STYXL2: variants seen among roughly 807,000 people sequenced by gnomAD.
STYXL2 encodes the protein serine/threonine/tyrosine-interacting-like protein 2.
A neutral mutation model predicts 52.4 loss-of-function variants in STYXL2; 44 were observed. That is an observed-to-expected ratio of 0.84 (90% CI 0.66 to 1.08). The LOEUF (loss-of-function observed/expected upper bound fraction) is 1.08, where lower values mean the gene tolerates loss of function less well. Ranked by LOEUF, STYXL2 falls within the 50% of genes least tolerant of loss-of-function variation. STYXL2 has a pLI of 0.00. For synonymous variants in STYXL2, 604 were observed against 586.9 expected (o/e 1.03, Z -0.42); for missense variants, 1,604 against 1,471.7 (o/e 1.09, Z -1.47).
Position 167,127,747 on chromosome 1 carries a change from G to A in STYXL2, c.2616G>A (p.Lys872=), listed in dbSNP as rs781615628. ...DNKRSSLFKK[K]KVKEDEDDGV... is the part of the protein sequence containing the mutation. ...AACGCAGCTCCCTCTTCAAGAAGAA[G>A]AAGGTCAAGGAAGATGAGGATGATG... The change falls in exon 6 of 6, where the codon AAG becomes AAA. Residue 872 remains lysine, a synonymous_variant. Transcript: ENST00000361200. The A allele has an allele frequency of 9.9e-6, 16 of 1,613,912 alleles. No homozygotes were observed. Among genetic ancestry groups the A allele is most frequent in the Non-Finnish European group, 1.4e-5 (16 of 1,180,018 alleles).
At chr1:167,099,184 G>A (rs970979356) in intron 2 of STYXL2, among the ~76,000 whole-genome samples, 3 of 152,012 alleles carry the variant, frequency 2.0e-5, no homozygotes, top group Admixed American at 6.6e-5. Flanking sequence ...GCAAAAAACT[G>A]ACAGAACTGA....
chr1:167,094,283 A>C (rs10918625), intron 1 of STYXL2, 89 bp downstream of exon 1: 1 of 156,026 alleles, frequency 6.4e-6, no homozygotes, highest in African/African-American at 2.4e-5. Flanking sequence ...TCAGGGCACA[A>C]CCATGATGGC....
At chr1:167,103,542 A>C (rs1217085833) in intron 2 of STYXL2, among the ~76,000 whole-genome samples, 1 of 152,162 alleles carries the variant, frequency 6.6e-6, no homozygotes, top group Non-Finnish European at 1.5e-5. Context: ...GAATCTGAGA[A>C]AGGGGTGTAG....
At position 167,127,218 on chromosome 1, in the gene STYXL2, C is replaced by CG. The variant is rs1667994355; in HGVS notation, c.2091dup (p.Cys698ValfsTer12). On this transcript the variant is annotated frameshift_variant, in exon 6 of 6. Transcript: ENST00000361200. LOFTEE classifies it low-confidence loss of function (END_TRUNC). ...CTGTCTCAGGCTGCAAGCAACATAG[C>CG]GGGGTGTTCAACCTCCAACCCCACC... is the stretch of plus-strand genomic sequence containing the variant. 3 of 1,613,984 alleles carry CG rather than the reference C, an allele frequency of 1.9e-6. No individual in the cohort carries two copies. Among genetic ancestry groups the CG allele is most frequent in the Admixed American group, 3.3e-5 (2 of 60,004 alleles).
rs998509193 is a variant in STYXL2, at chr1:167,094,124, C to G, written c.-87C>G. ...GGTGGCTGGTTCCTGTCTCACTGGC[C>G]GGAGCTTCAGCTTCAGTCATTTCAT... On this transcript the variant is annotated 5_prime_UTR_variant, in exon 1 of 6. Coordinates refer to ENST00000361200, the MANE Select transcript of STYXL2 (RefSeq NM_001080426.3). The G allele has an allele frequency of 6.5e-6, 1 of 152,696 alleles. No individual in the cohort carries two copies. The highest frequency in any genetic ancestry group is 2.4e-5 in the African/African-American group (1 of 41,454). The allele number at this position is 152,696 out of a possible 1,614,324, so 9.5% of individuals were successfully genotyped here.
At position 167,126,224 on chromosome 1, in the gene STYXL2, G is replaced by A. The variant is rs375985480; in HGVS notation, c.1093G>A (p.Val365Ile). 9.7e-6 allele frequency: 15 copies of A among 1,544,358 alleles called. No homozygotes were observed. In the African/African-American group the frequency reaches 1.7e-4, roughly 17 times the overall value. Residue 365 changes from valine to isoleucine, a missense_variant, in exon 6 of 6, where the codon GTC becomes ATC. Transcript: ENST00000361200. ...GGGGCAGGGCCTCCTCTCAGACAAG[G>A]TCCCCCAGGATGGAGGTGGCTGGCG... ...KKGQGLLSDK[V>I]PQDGGGWRSA...
At chr1:167,111,915 G>A (rs1667630963) in intron 2 of STYXL2, among the ~76,000 whole-genome samples, 1 of 152,036 alleles carries the variant, frequency 6.6e-6, no homozygotes, top group Non-Finnish European at 1.5e-5. Context: ...TTGATTAGCA[G>A]AACAATTATT....
Position 167,117,537 on chromosome 1 carries a change from C to A in STYXL2, c.415C>A (p.Pro139Thr). 6.2e-7 allele frequency: 1 copy of A among 1,604,406 alleles called. No individual in the cohort carries two copies. Among genetic ancestry groups the A allele is most frequent in the East Asian group, 2.2e-5 (1 of 44,566 alleles). Residue 139 changes from proline (P) to threonine (T), a missense_variant, in exon 4 of 6, where the codon CCC becomes ACC. Transcript: ENST00000361200. ...APWNEVDEVW[P>T]NVFIAEKSVA... ...CTGGAATGAGGTGGATGAGGTCTGG[C>A]CCAATGTCTTCATAGCTGAGAAGTG...
At chr1:167,111,469 CATATATATATATATATAT>C (rs776014246) in intron 2 of STYXL2, among the ~76,000 whole-genome samples, 1,996 of 79,922 alleles carry the variant, frequency 0.025, 56 homozygotes, top group Non-Finnish European at 0.037. Context: ...AAATATGGTA[CATATATATATATATATAT>C]ATATATATAT....
rs1484043597 is a variant in STYXL2, at chr1:167,128,100, C to T, written c.2969C>T (p.Thr990Ile). Residue 990 changes from threonine to isoleucine, a missense_variant, in exon 6 of 6, where the codon ACC becomes ATC. Physicochemically the swap from Thr to Ile is moderately conservative, Grantham distance 89. Transcript: ENST00000361200. ...AAATCCCAGTCAGAGGAACAGGACA[C>T]CTCCTCCTACCACGAGGCAAATGGC... ...FSKSQSEEQD[T>I]SSYHEANGNS... 1.2e-6 allele frequency: 2 copies of T among 1,614,218 alleles called. No individual in the cohort carries two copies. The highest frequency in any genetic ancestry group is 1.6e-4 in the Middle Eastern group (1 of 6,062).
intron 2 of STYXL2, among the ~76,000 whole-genome samples, chr1:167,095,521 T>C (rs568751723): frequency 1.8e-4 from 28 of 152,286 alleles, no homozygotes; most frequent in Admixed American, 1.7e-3. Context: ...AGTCCTCTTT[T>C]TACCACAAGT....
In STYXL2 at chr1:167,126,160, CGAG is replaced by C. The variant is rs372437301; in HGVS notation, c.1042_1044del (p.Glu348del). The stretch of plus-strand genomic sequence containing the variant: ...CCTCCAAGCCCCTCACCCTCATAGA[CGAG>C]GAGGAGGAGGAGAAACTGTACGAGC... On this transcript the variant is annotated inframe_deletion, in exon 6 of 6. Coordinates refer to ENST00000361200, the MANE Select transcript of STYXL2 (RefSeq NM_001080426.3). 360 of 1,506,040 alleles carry C rather than the reference CGAG, an allele frequency of 2.4e-4. No homozygotes were observed. The East Asian group carries it at 2.7e-3, about 11-fold the overall frequency. 93.3% of individuals were successfully genotyped at this position (1,506,040 alleles called of 1,614,324 possible).
In STYXL2 at chr1:167,126,940, G is replaced by A; in HGVS notation, c.1809G>A (p.Glu603=). The A allele has an allele frequency of 3.1e-6, 5 of 1,611,464 alleles. No individual in the cohort carries two copies. Among genetic ancestry groups the A allele is most frequent in the Non-Finnish European group, 4.2e-6 (5 of 1,178,710 alleles). Reference sequence around the variant, plus strand: ...AACACCAGAAGAAGGTGGGCAGTGAGAACAAGGAGGAGGTGGTGGAGCTCA... The same window carrying A: ...AACACCAGAAGAAGGTGGGCAGTGAAAACAAGGAGGAGGTGGTGGAGCTCA... ...KLKHQKKVGS[E]NKEEVVELSK... The change falls in exon 6 of 6, where the codon GAG becomes GAA. Residue 603 remains glutamate (E), a synonymous_variant. Transcript: ENST00000361200.
chr1:167,126,630 A>G lies in STYXL2; in HGVS notation c.1499A>G (p.Lys500Arg), dbSNP rs1251044461. Reference protein sequence around the residue: ...EASRRYHAKSKREEAADRSSE... With the variant: ...EASRRYHAKSRREEAADRSSE... ...TCCCGGAGGTACCACGCCAAGAGCA[A>G]GAGAGAGGAGGCGGCAGACAGGAGC... Residue 500 changes from lysine to arginine, a missense_variant, in exon 6 of 6, where the codon AAG becomes AGG. By Grantham distance (26) the Lys-to-Arg change is conservative (BLOSUM62 2). Transcript: ENST00000361200. The G allele has an allele frequency of 6.2e-7, 1 of 1,613,918 alleles. No individual in the cohort carries two copies. The highest frequency in any genetic ancestry group is 8.5e-7 in the Non-Finnish European group (1 of 1,180,000).
chr1:167,107,874 T>C (rs1198783981), intron 2 of STYXL2, among the ~76,000 whole-genome samples: 1 of 152,144 alleles, frequency 6.6e-6, no homozygotes, highest in Admixed American at 6.5e-5. Context: ...CAAGGAAGAC[T>C]TCCCTAAAGA....
At position 167,126,251 on chromosome 1, in the gene STYXL2, T is replaced by G; in HGVS notation, c.1120T>G (p.Ser374Ala). Reference sequence around the variant, plus strand: ...CCCCCAGGATGGAGGTGGCTGGCGCTCAGCCTCCTCTGGCCAGGGTGGGGA... The same window carrying G: ...CCCCCAGGATGGAGGTGGCTGGCGCGCAGCCTCCTCTGGCCAGGGTGGGGA... ...KVPQDGGGWR[S>A]ASSGQGGEEL... Residue 374 changes from serine to alanine, a missense_variant, in exon 6 of 6, where the codon TCA (serine) becomes GCA (alanine). By Grantham distance (99) the Ser-to-Ala change is moderately conservative. Coordinates refer to ENST00000361200, the MANE Select transcript of STYXL2 (RefSeq NM_001080426.3). The G allele has an allele frequency of 6.5e-7, 1 of 1,542,814 alleles. No homozygotes were observed. The highest frequency in any genetic ancestry group is 8.7e-7 in the Non-Finnish European group (1 of 1,148,142).
At chr1:167,094,991 C>T (rs1571327398) in intron 2 of STYXL2, 32 bp downstream of exon 2, 1 of 1,536,970 alleles carries the variant, frequency 6.5e-7, no homozygotes, top group African/African-American at 1.4e-5. Flanking sequence ...ACCCTCACAG[C>T]CCCAGCTGGG....
chr1:167,115,970 G>A (rs1267569590), intron 3 of STYXL2, among the ~76,000 whole-genome samples: 3 of 152,144 alleles, frequency 2.0e-5, no homozygotes, highest in African/African-American at 4.8e-5. Context: ...ACCCCTGGGA[G>A]GAGCAGATTC....
At chr1:167,096,091 C>G (rs1667280175) in intron 2 of STYXL2, among the ~76,000 whole-genome samples, 2 of 152,160 alleles carry the variant, frequency 1.3e-5, no homozygotes, top group Admixed American at 1.3e-4. Context: ...AACCCCATCT[C>G]TACTAAAAAT....
Sources: gnomAD v4.1 joint callset for allele counts (sites outside exome capture counted in the v4.1 genomes callset) on GRCh38, gnomAD v4.1.1 for gene constraint, MANE v1.5 for transcripts, NCBI Gene and HGNC (gene_info 2026-07-23, HGNC 2026-07-21) for gene names.